Variants in DNAI3 observed in about 807,000 individuals in gnomAD.
DNAI3 encodes the protein dynein axonemal intermediate chain 3, also known as WD repeat domain 63.
In DNAI3, 83 loss-of-function variants were observed where a neutral mutation model predicts 115.5. That is an observed-to-expected ratio of 0.72 (90% CI 0.60 to 0.86). DNAI3 has a LOEUF of 0.86. Among genes scored for constraint, DNAI3 ranks in the 40% least tolerant of loss-of-function variants. The pLI, the probability that DNAI3 is intolerant of heterozygous loss-of-function variation, is 0.00. For missense variants in DNAI3, 1,004 were observed against 1,075.8 expected, an observed-to-expected ratio of 0.93 and a Z score of 0.93; for synonymous variants, 320 against 347.0, an observed-to-expected ratio of 0.92 and a Z score of 0.86.
chr1:85,098,508 A>G, intron 12 of DNAI3, 22 bp from the exon 13 acceptor site: 2 of 1,605,336 alleles, frequency 1.2e-6, no homozygotes, highest in South Asian at 1.1e-5. Context: ...TTAGCACTTA[A>G]CTTTCTTTTA....
At chr1:85,109,956 A>C in intron 15 of DNAI3, 92 bp from the exon 16 acceptor site, 1 of 1,225,224 alleles carries the variant, frequency 8.2e-7, no homozygotes, top group Admixed American at 1.9e-5. Flanking sequence ...GTTTCCTTCA[A>C]TATGGGAGCA....
At chr1:85,105,288 TTGGGGAAGATTC>T (rs1655450228) in intron 14 of DNAI3, among the ~76,000 whole-genome samples, 1 of 151,888 alleles carries the variant, frequency 6.6e-6, no homozygotes, top group African/African-American at 2.4e-5. Context: ...TGAGCATGTG[TTGGGGAAGATTC>T]TGTGACTACA....
At chr1:85,109,518 A>G (rs1333513616) in intron 15 of DNAI3, among the ~76,000 whole-genome samples, 1 of 152,134 alleles carries the variant, frequency 6.6e-6, no homozygotes, top group Non-Finnish European at 1.5e-5. Flanking sequence ...CCTGAAGGAG[A>G]AAGGGCTGAG....
chr1:85,117,595 G>T, intron 16 of DNAI3, 134 bp from the exon 17 acceptor site: 1 of 1,201,136 alleles, frequency 8.3e-7, no homozygotes, highest in Non-Finnish European at 1.2e-6. Flanking sequence ...AAAAATGCTT[G>T]GACTTATGCT....
chr1:85,114,053 G>C (rs1467935376), intron 16 of DNAI3, among the ~76,000 whole-genome samples: 1 of 134,066 alleles, frequency 7.5e-6, no homozygotes, highest in African/African-American at 2.9e-5. Flanking sequence ...TTGCTCTGTC[G>C]CCCAGGCTAG....
rs139199449 is a variant in DNAI3 at position 85,129,740 on chromosome 1, G to C, written c.2410-250G>C. 6.4e-3 allele frequency among the ~76,000 whole-genome samples: 978 copies of C among 152,230 alleles called. 12 individuals carry two copies. The highest frequency in any genetic ancestry group is 0.022 in the African/African-American group (911 of 41,528). On this transcript the variant is annotated intron_variant, in intron 21 of 22. Transcript: ENST00000294664. ...GCACAGTAGCCCCTGAATTGTACCA[G>C]CTCCTCTGGTAGTGGGCCTGTGAAT... is the stretch of plus-strand genomic sequence containing the variant.
Position 85,090,182 on chromosome 1 carries a change from A to G in DNAI3, c.807A>G (p.Thr269=). 2.5e-6 allele frequency: 4 copies of G among 1,591,818 alleles called. No homozygotes were observed. Among genetic ancestry groups the G allele is most frequent in the Non-Finnish European group, 3.4e-6 (4 of 1,171,480 alleles). The change falls in exon 8 of 23, where the codon ACA becomes ACG. Residue 269 remains threonine, a synonymous_variant. Transcript: ENST00000294664. ...PREFSEEEKE[T]LKQSKPLVDF... is the part of the protein sequence containing the mutation. ...AATTCTCAGAAGAGGAAAAAGAGACACTCAAACAATCAAAGCCTTTGGTTG... is the reference window on the plus strand; with the variant it reads ...AATTCTCAGAAGAGGAAAAAGAGACGCTCAAACAATCAAAGCCTTTGGTTG...
At position 85,065,703 on chromosome 1, in the gene DNAI3, G is replaced by A. The variant is rs146750454; in HGVS notation, c.-15+3217G>A. 2.6e-5 allele frequency among the ~76,000 whole-genome samples: 4 copies of A among 152,332 alleles called. No homozygotes were observed. The East Asian group carries it at 5.8e-4, about 22-fold the overall frequency. On this transcript the variant is annotated intron_variant, in intron 1 of 22. Transcript: ENST00000294664. ...GCCTTCCCTAGCTGTGTTTGTCTGA[G>A]TTTTTAACACAAGTGGCTCCATGCT...
chr1:85,110,210 G>C, intron 16 of DNAI3, 75 bp downstream of exon 16: 2 of 1,322,802 alleles, frequency 1.5e-6, no homozygotes, highest in Non-Finnish European at 2.1e-6. Flanking sequence ...CCAGCACTTC[G>C]GGAGGCTGAG....
At position 85,076,304 on chromosome 1, in the gene DNAI3, A is replaced by G. The variant is rs1415188811; in HGVS notation, c.103+3212A>G. ...CCCCACCTCAAAATCCTTAACCTTCAGTATCTGGGATAAATGTTTTAAAAA... is the reference window on the plus strand; with the variant it reads ...CCCCACCTCAAAATCCTTAACCTTCGGTATCTGGGATAAATGTTTTAAAAA... On this transcript the variant is annotated intron_variant, in intron 3 of 22. Coordinates refer to ENST00000294664, the MANE Select transcript of DNAI3 (RefSeq NM_145172.5). Among the ~76,000 whole-genome samples, 3 of 152,170 alleles carry G rather than the reference A, an allele frequency of 2.0e-5. 1 individual carries two copies. Among genetic ancestry groups the G allele is most frequent in the Admixed American group, 2.0e-4 (3 of 15,274 alleles).
chr1:85,070,326 C>T (rs901211742), intron 1 of DNAI3, among the ~76,000 whole-genome samples: 2 of 152,218 alleles, frequency 1.3e-5, no homozygotes, highest in South Asian at 4.1e-4. Context: ...AAAATAGTTT[C>T]ATTTGCAATG....
rs1219392298 is a variant in DNAI3, at chr1:85,082,407, G to A, written c.390+3G>A. ...AGGGCAAAGAAAACTATTTAAATGT[G>A]AGCAAACCCCAAGCCCTTGTAATTT... On this transcript the variant is annotated splice_donor_region_variant and intron_variant, in intron 5 of 22. Coordinates refer to ENST00000294664, the MANE Select transcript of DNAI3 (RefSeq NM_145172.5). The A allele has an allele frequency of 1.2e-6, 2 of 1,603,058 alleles. No individual in the cohort carries two copies. The highest frequency in any genetic ancestry group is 3.3e-5 in the Admixed American group (2 of 59,900).
rs1337696632 is a variant in DNAI3, at chr1:85,110,101, C to A, written c.1752C>A (p.Ser584Arg). The stretch of plus-strand genomic sequence containing the variant: ...TAGACCACTGTCCAACCAAGATAAG[C>A]CTGAATGAAGACCATCTTCTTTGCA... ...TSLDHCPTKI[S>R]LNEDHLLCKT... The change falls in exon 16 of 23, where the codon AGC becomes AGA. Residue 584 changes from serine to arginine, a missense_variant. By Grantham distance (110) the Ser-to-Arg change is moderately radical (BLOSUM62 -1). Around this residue, in one of 3 missense-constraint regions of DNAI3, gnomAD observed 429 missense variants for 454.3 expected, o/e 0.94. Coordinates refer to ENST00000294664, the MANE Select transcript of DNAI3 (RefSeq NM_145172.5). The A allele has an allele frequency of 3.7e-6, 6 of 1,613,348 alleles. No homozygotes were observed. In the South Asian group the frequency reaches 6.6e-5, roughly 18 times the overall value.
intron 12 of DNAI3, among the ~76,000 whole-genome samples, chr1:85,098,034 A>T (rs984602254): frequency 6.6e-6 from 1 of 152,210 alleles, no homozygotes; most frequent in Non-Finnish European, 1.5e-5. Flanking sequence ...ACCTCACCTC[A>T]GCACGATAGC....
At chr1:85,072,197 G>A (rs1028783734) in intron 2 of DNAI3, among the ~76,000 whole-genome samples, 192 bp downstream of exon 2, 1 of 152,194 alleles carries the variant, frequency 6.6e-6, no homozygotes, top group Non-Finnish European at 1.5e-5. Context: ...CCAATTAGAT[G>A]CGATATAATG....
intron 19 of DNAI3, 44 bp downstream of exon 19, chr1:85,124,295 T>C: frequency 6.2e-7 from 1 of 1,613,928 alleles, no homozygotes; most frequent in South Asian, 1.1e-5. Flanking sequence ...TGATCTTTTG[T>C]TATTCAGAAA....
At position 85,108,019 on chromosome 1, in the gene DNAI3, T is replaced by A; in HGVS notation, c.1554-14T>A. On this transcript the variant is annotated splice_polypyrimidine_tract_variant and intron_variant, in intron 14 of 22. Coordinates refer to ENST00000294664, the MANE Select transcript of DNAI3 (RefSeq NM_145172.5). ...GTTTGTACTTAATAAAAAATATATATAAATTTTTTTTAGCACAATATGTTT... is the reference window on the plus strand; with the variant it reads ...GTTTGTACTTAATAAAAAATATATAAAAATTTTTTTTAGCACAATATGTTT... The A allele has an allele frequency of 7.0e-7, 1 of 1,428,108 alleles. No homozygotes were observed. 88.5% of individuals were successfully genotyped at this position (1,428,108 alleles called of 1,614,324 possible). A position where few individuals can be genotyped will look rare whatever the true frequency, so the allele number is the denominator to read the frequency against.
intron 18 of DNAI3, among the ~76,000 whole-genome samples, chr1:85,123,487 C>T (rs548217454): frequency 1.3e-5 from 2 of 152,314 alleles, no homozygotes; most frequent in African/African-American, 2.4e-5. Flanking sequence ...GCACTAAACA[C>T]TTCTCTCCTT....
At chr1:85,112,292 G>A (rs1312502204) in intron 16 of DNAI3, among the ~76,000 whole-genome samples, 3 of 152,118 alleles carry the variant, frequency 2.0e-5, no homozygotes, top group Non-Finnish European at 4.4e-5. Flanking sequence ...TTATTACAGA[G>A]TGGCATTTCA....
Sources: allele counts gnomAD v4.1 joint callset (sites outside exome capture counted in the v4.1 genomes callset), GRCh38; gene constraint gnomAD v4.1.1; regional missense constraint gnomAD v4.1.1; transcripts MANE v1.5; gene names NCBI Gene and HGNC (gene_info 2026-07-23, HGNC 2026-07-21).